Variants in EIF2S2 observed in about 807,000 individuals in gnomAD.
EIF2S2 encodes eukaryotic translation initiation factor 2 subunit 2.
EIF2S2 carries 4 observed loss-of-function variants against 44.0 expected under a neutral mutation model. That is an observed-to-expected ratio of 0.09 (90% CI 0.04 to 0.21). The LOEUF is 0.21. EIF2S2 is among the 10% of genes least tolerant of loss of function. The pLI is 1.00. For synonymous variants in EIF2S2, 108 were observed against 128.3 expected, an observed-to-expected ratio of 0.84 and a Z score of 1.07; for missense variants, 154 against 392.0, an observed-to-expected ratio of 0.39 and a Z score of 5.13.
chr20:34,104,199 T>G (rs1042422893), intron 2 of EIF2S2, among the ~76,000 whole-genome samples: 5 of 152,212 alleles, frequency 3.3e-5, no homozygotes, highest in Non-Finnish European at 7.3e-5. Context: ...CACTTCTGCT[T>G]CTTGCCTTCC....
chr20:34,102,091 G>C lies in EIF2S2; in HGVS notation c.297+1371C>G, dbSNP rs149119826. On this transcript the variant is annotated intron_variant, in intron 3 of 8. Transcript: ENST00000374980. Reference sequence around the variant, plus strand: ...AGTGAATGTCCGTGCCTTGCCTGATGACCAGGATACCTCTAACATCCTCTT... The same window carrying C: ...AGTGAATGTCCGTGCCTTGCCTGATCACCAGGATACCTCTAACATCCTCTT... Among the ~76,000 whole-genome samples, 16 of 152,256 alleles carry C rather than the reference G, an allele frequency of 1.1e-4. No homozygotes were observed. The East Asian group carries it at 2.9e-3, about 28-fold the overall frequency.
chr20:34,092,720 G>A (rs909152163), intron 7 of EIF2S2, among the ~76,000 whole-genome samples: 10 of 152,080 alleles, frequency 6.6e-5, no homozygotes, highest in South Asian at 2.1e-4. Flanking sequence ...CAGAGCCTAC[G>A]TATCCACCAC....
intron 1 of EIF2S2, among the ~76,000 whole-genome samples, chr20:34,107,049 G>A (rs2034358014): frequency 6.6e-6 from 1 of 152,034 alleles, no homozygotes; most frequent in African/African-American, 2.4e-5. Flanking sequence ...AAGGTGGCGG[G>A]TGCCTGTAGT....
intron 1 of EIF2S2, among the ~76,000 whole-genome samples, chr20:34,109,693 A>T (rs1415267579): frequency 6.6e-6 from 1 of 152,072 alleles, no homozygotes; most frequent in Non-Finnish European, 1.5e-5. Context: ...CAAACAAAAA[A>T]AATCATAGTT....
intron 6 of EIF2S2, among the ~76,000 whole-genome samples, chr20:34,094,707 CAAA>C (rs11474896): frequency 1.4e-5 from 2 of 144,510 alleles, no homozygotes. Context: ...TCTCAATATA[CAAA>C]AAAAAAAAAA....
At chr20:34,092,331 C>T (rs1262469473) in intron 7 of EIF2S2, among the ~76,000 whole-genome samples, 2 of 152,320 alleles carry the variant, frequency 1.3e-5, no homozygotes, top group South Asian at 4.1e-4. Flanking sequence ...AGCTTTTGCT[C>T]CCTCATTAGT....
In EIF2S2 at chr20:34,112,087, G is replaced by A. The variant is rs200729549; in HGVS notation, c.15+9C>T. On this transcript the variant is annotated intron_variant, in intron 1 of 8. Transcript: ENST00000374980. ...ATCCTTAGCCCTTACGCCGGGCTCAGATCCTCACCTCGTCCCCAGACATGG... is the reference window on the plus strand; with the variant it reads ...ATCCTTAGCCCTTACGCCGGGCTCAAATCCTCACCTCGTCCCCAGACATGG... The A allele has an allele frequency of 1.3e-6, 2 of 1,560,244 alleles. No homozygotes were observed. Among genetic ancestry groups the A allele is most frequent in the South Asian group, 1.2e-5 (1 of 84,424 alleles).
intron 7 of EIF2S2, among the ~76,000 whole-genome samples, chr20:34,092,826 G>T (rs992867271): frequency 6.6e-6 from 1 of 152,184 alleles, no homozygotes; most frequent in Admixed American, 6.5e-5. Context: ...TCTCTGTACT[G>T]CCAGTGACGC....
At chr20:34,098,231 A>G (rs1412372425) in intron 4 of EIF2S2, among the ~76,000 whole-genome samples, 2 of 150,918 alleles carry the variant, frequency 1.3e-5, no homozygotes, top group East Asian at 3.9e-4. Flanking sequence ...GGGCGACAAG[A>G]GTGAGACTCC....
intron 6 of EIF2S2, among the ~76,000 whole-genome samples, chr20:34,094,568 TAAAAG>T (rs1382877116): frequency 2.0e-5 from 3 of 152,108 alleles, no homozygotes; most frequent in Non-Finnish European, 4.4e-5. Context: ...AAATTTTCAT[TAAAAG>T]AAAGTGTATG....
intron 1 of EIF2S2, among the ~76,000 whole-genome samples, chr20:34,107,792 G>A (rs2034366234): frequency 6.6e-6 from 1 of 152,230 alleles, no homozygotes; most frequent in South Asian, 2.1e-4. Context: ...TTGCCCAGTA[G>A]AGAAGTATGG....
intron 6 of EIF2S2, among the ~76,000 whole-genome samples, chr20:34,096,303 AAAT>A (rs1466294167): frequency 1.3e-5 from 2 of 152,276 alleles, no homozygotes; most frequent in African/African-American, 4.8e-5. Flanking sequence ...AAAAAAAAAA[AAAT>A]TTTTTTAAAT....
chr20:34,107,525 G>A (rs993283266), intron 1 of EIF2S2, among the ~76,000 whole-genome samples: 1 of 152,138 alleles, frequency 6.6e-6, no homozygotes, highest in Non-Finnish European at 1.5e-5. Flanking sequence ...TTGCCATAGT[G>A]CCTGGTACGT....
Position 34,105,149 on chromosome 20 carries a change from G to A in EIF2S2, c.193+219C>T, listed in dbSNP as rs993426426. On this transcript the variant is annotated intron_variant, in intron 2 of 8. Coordinates refer to ENST00000374980, the MANE Select transcript of EIF2S2 (RefSeq NM_003908.5). ...CAACTGGAAAACCAGCTCTGGAACA[G>A]CAAGGTTTCATCTTTGCAACTTGTG... is the stretch of plus-strand genomic sequence containing the variant. Among the ~76,000 whole-genome samples the A allele has an allele frequency of 2.0e-5, 3 of 152,200 alleles. No individual in the cohort carries two copies. In the South Asian group the frequency reaches 6.2e-4, roughly 32 times the overall value.
At chr20:34,112,041 T>C (rs997496742) in intron 1 of EIF2S2, 55 bp downstream of exon 1, 3 of 1,377,246 alleles carry the variant, frequency 2.2e-6, no homozygotes, top group Non-Finnish European at 2.9e-6. Flanking sequence ...CACACTGGAG[T>C]GGGTTAGGCT....
chr20:34,103,671 CTATT>C (rs1407496872), intron 2 of EIF2S2, 106 bp from the exon 3 acceptor site: 2 of 1,342,928 alleles, frequency 1.5e-6, no homozygotes, highest in Admixed American at 3.8e-5. Context: ...AAAAGACTGA[CTATT>C]AATTAGTCCC....
chr20:34,101,712 T>C (rs1358717560), intron 3 of EIF2S2, among the ~76,000 whole-genome samples: 1 of 149,840 alleles, frequency 6.7e-6, no homozygotes. Context: ...TCTCGCTCTG[T>C]TGCCCAGGCT....
chr20:34,105,810 T>G (rs996246917), intron 1 of EIF2S2, among the ~76,000 whole-genome samples: 4 of 152,182 alleles, frequency 2.6e-5, no homozygotes, highest in Non-Finnish European at 4.4e-5. Context: ...ATGAGCAAAT[T>G]TGGACATTTG....
In EIF2S2 at chr20:34,101,706, G is replaced by A. The variant is rs146578211; in HGVS notation, c.297+1756C>T. ...TTTTTTTTTTTTGAGACAGAGTCTCGCTCTGTTGCCCAGGCTGGAGTGCAG... is the reference window on the plus strand; with the variant it reads ...TTTTTTTTTTTTGAGACAGAGTCTCACTCTGTTGCCCAGGCTGGAGTGCAG... On this transcript the variant is annotated intron_variant, in intron 3 of 8. Coordinates refer to ENST00000374980, the MANE Select transcript of EIF2S2 (RefSeq NM_003908.5). Among the ~76,000 whole-genome samples the A allele has an allele frequency of 1.5e-3, 207 of 139,092 alleles. 1 individual carries two copies. The highest frequency in any genetic ancestry group is 5.0e-3 in the African/African-American group (185 of 36,818). 91.2% of individuals were successfully genotyped at this position (139,092 alleles called of 152,430 possible).
Sources: gnomAD v4.1 joint callset for allele counts (sites outside exome capture counted in the v4.1 genomes callset) on GRCh38, gnomAD v4.1.1 for gene constraint, MANE v1.5 for transcripts, NCBI Gene and HGNC (gene_info 2026-07-23, HGNC 2026-07-21) for gene names.